Variants in CEP112 observed in about 807,000 individuals in gnomAD.
CEP112 encodes the protein centrosomal protein of 112 kDa.
Under a neutral mutation model 153.0 loss-of-function variants are expected in CEP112, and 127 were observed. The ratio of observed to expected loss-of-function variants is 0.83; its 90% confidence interval spans 0.72 to 0.96. CEP112 has a LOEUF of 0.96. CEP112 is among the 40% of genes least tolerant of loss of function. The pLI is 0.00. For synonymous variants in CEP112, 358 were observed against 374.4 expected (o/e 0.96, Z 0.51); for missense variants, 1,089 against 1,101.2 (o/e 0.99, Z 0.16).
chr17:65,635,961 T>C lies in CEP112; in HGVS notation c.*10A>G. On this transcript the variant is annotated 3_prime_UTR_variant, in exon 27 of 27. Coordinates refer to ENST00000535342, the MANE Select transcript of CEP112 (RefSeq NM_001199165.4). Reference sequence around the variant, plus strand: ...CCTGGAAATTGCATCCGTTGCATTCTCTCGTGCAGTTACCTGTAAACCAAA... The same window carrying C: ...CCTGGAAATTGCATCCGTTGCATTCCCTCGTGCAGTTACCTGTAAACCAAA... The C allele has an allele frequency of 6.2e-7, 1 of 1,600,194 alleles. No homozygotes were observed. The highest frequency in any genetic ancestry group is 8.5e-7 in the Non-Finnish European group (1 of 1,171,884).
At chr17:65,907,883 A>C (rs1037513366) in intron 19 of CEP112, among the ~76,000 whole-genome samples, 1 of 152,246 alleles carries the variant, frequency 6.6e-6, no homozygotes, top group African/African-American at 2.4e-5. Flanking sequence ...ATGTTGGACT[A>C]GTAGATACTT....
intron 4 of CEP112, among the ~76,000 whole-genome samples, chr17:66,140,116 G>A (rs1212599351): frequency 6.6e-6 from 1 of 152,072 alleles, no homozygotes; most frequent in Non-Finnish European, 1.5e-5. Context: ...TGCCAGGATG[G>A]TACAATATAT....
At chr17:65,659,290 G>C (rs779473736) in intron 24 of CEP112, among the ~76,000 whole-genome samples, 1 of 152,144 alleles carries the variant, frequency 6.6e-6, no homozygotes, top group Non-Finnish European at 1.5e-5. Context: ...TTCTGACCTG[G>C]TTTGAGGGCA....
At position 66,191,154 on chromosome 17, in the gene CEP112, G is replaced by A. The variant is rs1276792434; in HGVS notation, c.-9+843C>T. Among the ~76,000 whole-genome samples, 1 of 152,132 alleles carries A rather than the reference G, an allele frequency of 6.6e-6. No homozygotes were observed. On this transcript the variant is annotated intron_variant, in intron 1 of 26. Coordinates refer to ENST00000535342, the MANE Select transcript of CEP112 (RefSeq NM_001199165.4). The surrounding 1 kb of genome is among the most constrained non-coding windows in gnomAD (Gnocchi z 4.2). Reference sequence around the variant, plus strand: ...CCATTTCCATGGTCATTTCACAGAGGAAGAAGGAAGCTGAGGCTTAAGTGA... The same window carrying A: ...CCATTTCCATGGTCATTTCACAGAGAAAGAAGGAAGCTGAGGCTTAAGTGA...
At chr17:65,911,946 C>T (rs1015461860) in intron 19 of CEP112, among the ~76,000 whole-genome samples, 1 of 152,136 alleles carries the variant, frequency 6.6e-6, no homozygotes, top group Non-Finnish European at 1.5e-5. Flanking sequence ...AGGACCATGT[C>T]AAATGCCAGT....
chr17:65,956,082 A>C (rs889801486), intron 18 of CEP112, among the ~76,000 whole-genome samples: 1 of 152,218 alleles, frequency 6.6e-6, no homozygotes, highest in Non-Finnish European at 1.5e-5. Flanking sequence ...ATTCCCCAAG[A>C]TAGACCATAA....
chr17:66,048,218 G>A (rs2066294472), intron 12 of CEP112, among the ~76,000 whole-genome samples: 2 of 152,044 alleles, frequency 1.3e-5, no homozygotes, highest in African/African-American at 4.8e-5. Context: ...GAATGGCCAA[G>A]ACTCTTCTGA....
At chr17:65,818,967 T>A (rs1347340803) in intron 21 of CEP112, among the ~76,000 whole-genome samples, 1 of 151,978 alleles carries the variant, frequency 6.6e-6, no homozygotes, top group Non-Finnish European at 1.5e-5. Flanking sequence ...TTCATGAGGA[T>A]GTTGCTGAAG....
At chr17:66,138,038 T>C (rs1007869599) in intron 4 of CEP112, among the ~76,000 whole-genome samples, 1 of 152,168 alleles carries the variant, frequency 6.6e-6, no homozygotes, top group African/African-American at 2.4e-5. Flanking sequence ...CTAGGTCCCA[T>C]TGCTCACCGC....
chr17:66,158,769 C>A (rs1312427752), intron 4 of CEP112, among the ~76,000 whole-genome samples: 1 of 152,056 alleles, frequency 6.6e-6, no homozygotes, highest in African/African-American at 2.4e-5. Context: ...AAAATTGACA[C>A]CCTAACATCA....
intron 23 of CEP112, among the ~76,000 whole-genome samples, chr17:65,722,547 C>A (rs1443901782): frequency 6.6e-6 from 1 of 152,132 alleles, no homozygotes; most frequent in Admixed American, 6.5e-5. Flanking sequence ...CCATGCCTGG[C>A]CAGTAGAGCC....
At chr17:65,753,418 C>A (rs981261) in intron 21 of CEP112, among the ~76,000 whole-genome samples, 1 of 152,194 alleles carries the variant, frequency 6.6e-6, no homozygotes, top group African/African-American at 2.4e-5. Flanking sequence ...CATTTTTTTA[C>A]GGACTTAAGT....
At chr17:65,866,736 G>A (rs2058499319) in intron 20 of CEP112, among the ~76,000 whole-genome samples, 1 of 152,064 alleles carries the variant, frequency 6.6e-6, no homozygotes, top group African/African-American at 2.4e-5. Context: ...CACTCATTGG[G>A]ACAACCTGCC....
chr17:65,894,011 G>A (rs1409773217), intron 20 of CEP112, among the ~76,000 whole-genome samples: 2 of 152,030 alleles, frequency 1.3e-5, no homozygotes, highest in African/African-American at 4.8e-5. Flanking sequence ...GAAGACATCA[G>A]GGATGTCTCT....
chr17:66,136,113 G>A (rs530293960), intron 4 of CEP112, among the ~76,000 whole-genome samples: 104 of 152,202 alleles, frequency 6.8e-4, no homozygotes, highest in African/African-American at 2.3e-3. Context: ...ATCCTCTTGC[G>A]CCATAAGCAA....
chr17:66,152,745 A>T (rs2071262585), intron 4 of CEP112, among the ~76,000 whole-genome samples: 1 of 152,192 alleles, frequency 6.6e-6, no homozygotes, highest in Non-Finnish European at 1.5e-5. Context: ...GACTTAACTA[A>T]GAAAATTCCA....
intron 18 of CEP112, among the ~76,000 whole-genome samples, chr17:65,940,210 GT>G (rs2061466059): frequency 1.3e-5 from 2 of 152,146 alleles, no homozygotes; most frequent in Admixed American, 1.3e-4. Context: ...TGTTAGAACA[GT>G]TTTTATCAAA....
intron 4 of CEP112, among the ~76,000 whole-genome samples, chr17:66,160,227 T>C (rs1373137015): frequency 1.3e-5 from 2 of 152,148 alleles, no homozygotes; most frequent in Admixed American, 6.5e-5. Context: ...TCCATGCTCA[T>C]GGATAGGAGG....
intron 24 of CEP112, among the ~76,000 whole-genome samples, chr17:65,685,279 T>C (rs1296222751): frequency 6.6e-6 from 1 of 152,248 alleles, no homozygotes; most frequent in Non-Finnish European, 1.5e-5. Flanking sequence ...CAATGCCTCA[T>C]TCATTTCTTG....
Sources: gnomAD v4.1 joint callset for allele counts (sites outside exome capture counted in the v4.1 genomes callset) on GRCh38, gnomAD v4.1.1 for gene constraint, Gnocchi (gnomAD v3.1) non-coding constraint, MANE v1.5 for transcripts, NCBI Gene and HGNC (gene_info 2026-07-23, HGNC 2026-07-21) for gene names.